FHIT: variants seen among roughly 807,000 people sequenced by gnomAD.
FHIT encodes bis(5'-adenosyl)-triphosphatase.
Under a neutral mutation model 17.9 loss-of-function variants are expected in FHIT, and 19 were observed. The observed-to-expected ratio is 1.06, with a 90% CI of 0.74 to 1.56. FHIT has a LOEUF of 1.56. Among genes scored for constraint, FHIT ranks in the 40% most tolerant of loss-of-function variants. The pLI is 0.00. For synonymous variants in FHIT, 81 were observed against 69.7 expected, an observed-to-expected ratio of 1.16 and a Z score of -0.81; for missense variants, 248 against 189.2, an observed-to-expected ratio of 1.31 and a Z score of -1.82.
intron 4 of FHIT, among the ~76,000 whole-genome samples, chr3:60,670,800 G>A (rs1324986316): frequency 6.6e-6 from 1 of 152,110 alleles, no homozygotes; most frequent in Non-Finnish European, 1.5e-5. Context: ...GTGAAATTTG[G>A]ATTAAACAGA....
chr3:60,159,521 A>T (rs1700848354), intron 5 of FHIT, among the ~76,000 whole-genome samples: 1 of 152,200 alleles, frequency 6.6e-6, no homozygotes, highest in Non-Finnish European at 1.5e-5. Context: ...AGGGGGTAGA[A>T]AGGAAGTTGA....
At chr3:60,732,552 C>A (rs531524083) in intron 4 of FHIT, 13 of 641,406 alleles carry the variant, frequency 2.0e-5, no homozygotes, top group East Asian at 1.1e-4. Flanking sequence ...GTCTTTGGAA[C>A]CTCGTCTGCA....
At chr3:60,922,834 A>G (rs1253481401) in intron 3 of FHIT, among the ~76,000 whole-genome samples, 1 of 152,200 alleles carries the variant, frequency 6.6e-6, no homozygotes, top group Non-Finnish European at 1.5e-5. Context: ...CAGAGGAGGA[A>G]CAGTTAATTA....
intron 4 of FHIT, among the ~76,000 whole-genome samples, chr3:60,806,304 C>A (rs558855186): frequency 6.6e-6 from 1 of 152,296 alleles, no homozygotes; most frequent in African/African-American, 2.4e-5. Flanking sequence ...AGAACAAATG[C>A]AAATTCCCAG....
chr3:60,223,650 T>C (rs1483056345), intron 5 of FHIT, among the ~76,000 whole-genome samples: 1 of 152,214 alleles, frequency 6.6e-6, no homozygotes, highest in Non-Finnish European at 1.5e-5. Context: ...CATTAGACTT[T>C]TATTTTCATA....
chr3:59,866,390 C>A (rs1419337280), intron 8 of FHIT, among the ~76,000 whole-genome samples: 2 of 152,116 alleles, frequency 1.3e-5, no homozygotes, highest in East Asian at 3.9e-4. Flanking sequence ...ATGAGGAAGG[C>A]AGATCATTCG....
At chr3:60,585,442 A>G (rs1176861482) in intron 4 of FHIT, among the ~76,000 whole-genome samples, 2 of 152,012 alleles carry the variant, frequency 1.3e-5, no homozygotes, top group African/African-American at 4.8e-5. Context: ...GACAATTTCA[A>G]TTATTTATTC....
At chr3:59,887,629 A>G (rs1375915519) in intron 8 of FHIT, among the ~76,000 whole-genome samples, 1 of 152,242 alleles carries the variant, frequency 6.6e-6, no homozygotes, top group Non-Finnish European at 1.5e-5. Context: ...TGCAGATAAC[A>G]TAGAAGTAAA....
chr3:60,433,077 T>C (rs2029875533), intron 5 of FHIT, among the ~76,000 whole-genome samples: 1 of 152,076 alleles, frequency 6.6e-6, no homozygotes, highest in Non-Finnish European at 1.5e-5. Flanking sequence ...ACAGAAACTC[T>C]CTATTCATCC....
intron 4 of FHIT, among the ~76,000 whole-genome samples, chr3:60,695,127 G>C (rs1553700336): frequency 6.6e-6 from 1 of 152,140 alleles, no homozygotes; most frequent in African/African-American, 2.4e-5. Flanking sequence ...GGGTGCTGTG[G>C]CTCACTCTTG....
intron 5 of FHIT, among the ~76,000 whole-genome samples, chr3:60,450,009 A>G (rs1356294033): frequency 6.6e-6 from 1 of 150,980 alleles, no homozygotes; most frequent in African/African-American, 2.4e-5. Context: ...CAAAAAAAAA[A>G]AAAAAAAAAA....
chr3:60,597,387 C>T (rs1483281539), intron 4 of FHIT, among the ~76,000 whole-genome samples: 1 of 152,032 alleles, frequency 6.6e-6, no homozygotes, highest in African/African-American at 2.4e-5. Flanking sequence ...ATTTTAAAAC[C>T]AGGGGCTCAT....
intron 8 of FHIT, among the ~76,000 whole-genome samples, chr3:59,835,113 T>C (rs937519860): frequency 5.3e-5 from 8 of 152,282 alleles, no homozygotes; most frequent in African/African-American, 1.9e-4. Flanking sequence ...CTAAGAGTTA[T>C]AATCTCCTCT....
At chr3:59,926,601 G>A (rs975581101) in intron 7 of FHIT, among the ~76,000 whole-genome samples, 2 of 152,184 alleles carry the variant, frequency 1.3e-5, no homozygotes, top group Non-Finnish European at 2.9e-5. Context: ...AATCAAGAGA[G>A]GGTAAGTTCC....
Position 60,375,104 on chromosome 3 carries a change from G to GA in FHIT, c.103+161755dup, listed in dbSNP as rs11324509. On this transcript the variant is annotated intron_variant, in intron 5 of 9. Coordinates refer to ENST00000492590, the MANE Select transcript of FHIT (RefSeq NM_002012.4). ...AAGAATCATTCCTTTTGCTCCTTTT[G>GA]AAAAAAAAAAAACAAAAACAAAAAA... Among the ~76,000 whole-genome samples, 281 of 143,966 alleles carry GA rather than the reference G, an allele frequency of 2.0e-3. 2 individuals carry two copies. The highest frequency in any genetic ancestry group is 7.1e-3 in the Middle Eastern group (2 of 280). The allele number at this position is 143,966 out of a possible 152,430, so 94.4% of individuals were successfully genotyped here.
intron 3 of FHIT, among the ~76,000 whole-genome samples, chr3:60,937,397 T>C (rs553099733): frequency 1.3e-5 from 2 of 152,274 alleles, no homozygotes; most frequent in Admixed American, 1.3e-4. Context: ...AGATTCGTGC[T>C]CCAAATGAGG....
Position 60,559,819 on chromosome 3 carries a change from T to C in FHIT, c.-17-22840A>G, listed in dbSNP as rs527642422. Among the ~76,000 whole-genome samples, 7 of 152,294 alleles carry C rather than the reference T, an allele frequency of 4.6e-5. No homozygotes were observed. The South Asian group carries it at 8.3e-4, about 18-fold the overall frequency. On this transcript the variant is annotated intron_variant, in intron 4 of 9. Transcript: ENST00000492590. ...CCCACACACTGTTAAACAAATCTGA[T>C]TGTTTCTCAAACTCCCCTTTAACTG...
chr3:60,415,879 T>C (rs1456899789), intron 5 of FHIT, among the ~76,000 whole-genome samples: 3 of 38,808 alleles, frequency 7.7e-5, no homozygotes, highest in Admixed American at 2.9e-4. Context: ...ATAATACTAT[T>C]ATATATTATT....
chr3:60,553,449 T>C (rs898449576), intron 4 of FHIT: 11 of 434,236 alleles, frequency 2.5e-5, no homozygotes, highest in Non-Finnish European at 3.0e-5. Context: ...AAAATATATA[T>C]ATATATATAT....
Sources: allele counts gnomAD v4.1 joint callset (sites outside exome capture counted in the v4.1 genomes callset), GRCh38; gene constraint gnomAD v4.1.1; transcripts MANE v1.5; gene names NCBI Gene and HGNC (gene_info 2026-07-23, HGNC 2026-07-21).